Variants in ALK observed in about 807,000 individuals in gnomAD.
ALK encodes the protein ALK receptor tyrosine kinase.
Under a neutral mutation model 163.1 loss-of-function variants are expected in ALK, and 74 were observed. The ratio of observed to expected loss-of-function variants is 0.45; its 90% CI spans 0.38 to 0.55. The LOEUF is 0.55. Among genes scored for constraint, ALK ranks in the 20% least tolerant of loss-of-function variants. ALK has a pLI of 0.00. For missense variants in ALK, 2,063 were observed against 2,105.3 expected, an observed-to-expected ratio of 0.98 and a Z score of 0.39; for synonymous variants, 960 against 843.2, an observed-to-expected ratio of 1.14 and a Z score of -2.40.
intron 1 of ALK, among the ~76,000 whole-genome samples, chr2:29,721,175 G>A (rs1355739428): frequency 1.3e-5 from 2 of 152,164 alleles, no homozygotes; most frequent in African/African-American, 4.8e-5. Flanking sequence ...GGGTATCAAG[G>A]CAGAGTGAAA....
chr2:29,789,164 A>G (rs1381798907), intron 1 of ALK, among the ~76,000 whole-genome samples: 1 of 152,090 alleles, frequency 6.6e-6, no homozygotes, highest in African/African-American at 2.4e-5. Context: ...AGCACCTCCT[A>G]TGGGCACTGT....
chr2:29,857,708 A>T (rs11127240), intron 1 of ALK, among the ~76,000 whole-genome samples: 107,826 of 152,048 alleles, frequency 0.71, 38,925 homozygotes, highest in Non-Finnish European at 0.78. Flanking sequence ...GTGAGTAGAA[A>T]CATACTCTCG....
chr2:29,798,755 A>G (rs1203594540), intron 1 of ALK, among the ~76,000 whole-genome samples: 1 of 152,212 alleles, frequency 6.6e-6, no homozygotes, highest in African/African-American at 2.4e-5. Context: ...GGACGGCTTT[A>G]TCCCCACCCC....
chr2:29,414,731 G>T (rs1558314058), intron 4 of ALK, among the ~76,000 whole-genome samples: 1 of 152,152 alleles, frequency 6.6e-6, no homozygotes, highest in Non-Finnish European at 1.5e-5. Flanking sequence ...ATCAAAGCAG[G>T]TCCCTTTCAG....
chr2:29,510,989 C>T (rs1386443064), intron 4 of ALK, among the ~76,000 whole-genome samples: 1 of 152,206 alleles, frequency 6.6e-6, no homozygotes. Context: ...GCCACCATCT[C>T]TCTCACTAGC....
At chr2:29,844,881 ACACACACAGAGG>A (rs1665800534) in intron 1 of ALK, among the ~76,000 whole-genome samples, 1 of 151,386 alleles carries the variant, frequency 6.6e-6, no homozygotes. Flanking sequence ...ACACACACAC[ACACACACAGAGG>A]CACACACACA....
chr2:29,721,269 T>C (rs1679413610), intron 1 of ALK, among the ~76,000 whole-genome samples: 1 of 152,204 alleles, frequency 6.6e-6, no homozygotes, highest in Non-Finnish European at 1.5e-5. Flanking sequence ...CTCATCTCTA[T>C]CATAATTTCA....
intron 8 of ALK, among the ~76,000 whole-genome samples, chr2:29,302,473 G>A (rs974777492): frequency 1.3e-5 from 2 of 152,168 alleles, no homozygotes; most frequent in Admixed American, 6.5e-5. Flanking sequence ...AGCCGAGATT[G>A]CATCATTGCA....
chr2:29,712,980 A>G (rs1164894814), intron 2 of ALK, among the ~76,000 whole-genome samples: 1 of 152,142 alleles, frequency 6.6e-6, no homozygotes, highest in East Asian at 1.9e-4. Flanking sequence ...AATAACGGAA[A>G]TTTATTTTCT....
At chr2:29,585,790 G>A (rs1042031242) in intron 3 of ALK, among the ~76,000 whole-genome samples, 2 of 151,280 alleles carry the variant, frequency 1.3e-5, no homozygotes, top group Admixed American at 6.6e-5. Flanking sequence ...TTTTGCTTTG[G>A]TATTTTTTTC....
intron 1 of ALK, among the ~76,000 whole-genome samples, chr2:29,724,996 T>C (rs1258955624): frequency 6.6e-6 from 1 of 151,964 alleles, no homozygotes; most frequent in East Asian, 1.9e-4. Context: ...AGAGGACCCA[T>C]GTATAACTTT....
chr2:29,549,791 T>G (rs1673667202), intron 3 of ALK, among the ~76,000 whole-genome samples: 1 of 152,234 alleles, frequency 6.6e-6, no homozygotes, highest in African/African-American at 2.4e-5. Flanking sequence ...TTATTAATAA[T>G]TTTTATATTG....
At chr2:29,602,994 G>C (rs1482347385) in intron 3 of ALK, among the ~76,000 whole-genome samples, 1 of 152,210 alleles carries the variant, frequency 6.6e-6, no homozygotes, top group South Asian at 2.1e-4. Flanking sequence ...GGAAAGGCAG[G>C]ACAACTTGAA....
intron 4 of ALK, among the ~76,000 whole-genome samples, chr2:29,450,814 T>C (rs1670801378): frequency 6.6e-6 from 1 of 152,132 alleles, no homozygotes; most frequent in Non-Finnish European, 1.5e-5. Context: ...AGGTTGGGCA[T>C]TGTTTCTCAG....
intron 8 of ALK, among the ~76,000 whole-genome samples, chr2:29,298,905 CTCAGAG>C (rs1249369482): frequency 6.6e-6 from 1 of 152,198 alleles, no homozygotes; most frequent in Non-Finnish European, 1.5e-5. Flanking sequence ...TCCCCAGCAT[CTCAGAG>C]TCAATCTTTT....
At chr2:29,872,100 C>T (rs924501776) in intron 1 of ALK, among the ~76,000 whole-genome samples, 1 of 152,220 alleles carries the variant, frequency 6.6e-6, no homozygotes, top group Non-Finnish European at 1.5e-5. Context: ...TCTCCACTTG[C>T]TTCTCCTTTT....
At chr2:29,195,719 A>G (rs1669005609) in intron 28 of ALK, among the ~76,000 whole-genome samples, 1 of 152,190 alleles carries the variant, frequency 6.6e-6, no homozygotes, top group Non-Finnish European at 1.5e-5. Context: ...CGGGCAGTAG[A>G]GCGAGACTGC....
rs544493548 is a variant in ALK at position 29,379,398 on chromosome 2, T to C, written c.1282+4334A>G. The stretch of plus-strand genomic sequence containing the variant: ...TGATTAACCAATCAGTCAACATGTA[T>C]TCGTGTGGTGTTTTCTGTGTGTTTA... On this transcript the variant is annotated intron_variant, in intron 5 of 28. Transcript: ENST00000389048. Among the ~76,000 whole-genome samples the C allele has an allele frequency of 6.6e-5, 10 of 152,340 alleles. No individual in the cohort carries two copies. In the East Asian group the frequency reaches 7.7e-4, roughly 12 times the overall value.
intron 3 of ALK, among the ~76,000 whole-genome samples, chr2:29,610,420 A>G (rs1469014119): frequency 1.3e-5 from 2 of 152,150 alleles, no homozygotes; most frequent in Admixed American, 6.5e-5. Flanking sequence ...AGAAAGATGC[A>G]CTTTCATTTA....
Sources: gnomAD v4.1 joint callset for allele counts (sites outside exome capture counted in the v4.1 genomes callset) on GRCh38, gnomAD v4.1.1 for gene constraint, MANE v1.5 for transcripts, NCBI Gene and HGNC (gene_info 2026-07-23, HGNC 2026-07-21) for gene names.